Variants in WWOX observed in about 807,000 individuals in gnomAD.
WWOX encodes the protein WW domain containing oxidoreductase.
A neutral mutation model predicts 46.2 loss-of-function variants in WWOX; 69 were observed. The ratio of observed to expected loss-of-function variants is 1.49; its 90% CI spans 1.23 to 1.82. The LOEUF (loss-of-function observed/expected upper bound fraction) is 1.82. Among genes scored for constraint, WWOX ranks in the 40% most tolerant of loss-of-function variants. The probability of loss-of-function intolerance (pLI) is 0.00; values close to 1 mark genes in which losing one functional copy is unlikely to be tolerated. For missense variants in WWOX, 919 were observed against 542.6 expected (o/e 1.69, Z -6.89); for synonymous variants, 359 against 202.6 (o/e 1.77, Z -6.56).
At chr16:78,695,302 C>T (rs957053463) in intron 8 of WWOX, among the ~76,000 whole-genome samples, 1 of 151,976 alleles carries the variant, frequency 6.6e-6, no homozygotes, top group Admixed American at 6.6e-5. Context: ...AAGCAGCTTC[C>T]CCCCACTTTT....
chr16:78,671,004 AG>A (rs2047449724), intron 8 of WWOX, among the ~76,000 whole-genome samples: 1 of 152,062 alleles, frequency 6.6e-6, no homozygotes, highest in South Asian at 2.1e-4. Flanking sequence ...AGGAATGCCA[AG>A]GCTGTGGCTA....
In WWOX at chr16:78,901,153, A is replaced by G. The variant is rs1203771332; in HGVS notation, c.1057-310455A>G. Among the ~76,000 whole-genome samples, 5 of 152,324 alleles carry G rather than the reference A, an allele frequency of 3.3e-5. No individual in the cohort carries two copies. The Middle Eastern group carries it at 0.014, about 414-fold the overall frequency. Reference sequence around the variant, plus strand: ...ATTCAGAGTCCATTTTCATAGGGCAAAATGCAGAGTTCGGGTTCCTTCCTA... The same window carrying G: ...ATTCAGAGTCCATTTTCATAGGGCAGAATGCAGAGTTCGGGTTCCTTCCTA... On this transcript the variant is annotated intron_variant, in intron 8 of 8. Transcript: ENST00000566780.
At chr16:78,657,657 T>C (rs1464269693) in intron 8 of WWOX, among the ~76,000 whole-genome samples, 1 of 152,150 alleles carries the variant, frequency 6.6e-6, no homozygotes, top group Admixed American at 6.5e-5. Flanking sequence ...CTCTTGAATT[T>C]CCTTGGATGT....
At position 79,002,515 on chromosome 16, in the gene WWOX, A is replaced by C. The variant is rs181673068; in HGVS notation, c.1057-209093A>C. Among the ~76,000 whole-genome samples the C allele has an allele frequency of 2.6e-4, 40 of 151,882 alleles. No individual in the cohort carries two copies. The East Asian group carries it at 7.2e-3, about 27-fold the overall frequency. Reference sequence around the variant, plus strand: ...TGGGATTACAGGTGTGAGCCACCGCACCCGGCCCCTGCCTTTTTATTTTGC... The same window carrying C: ...TGGGATTACAGGTGTGAGCCACCGCCCCCGGCCCCTGCCTTTTTATTTTGC... On this transcript the variant is annotated intron_variant, in intron 8 of 8. Coordinates refer to ENST00000566780, the MANE Select transcript of WWOX (RefSeq NM_016373.4).
chr16:78,903,930 A>G (rs977213679), intron 8 of WWOX, among the ~76,000 whole-genome samples: 4 of 152,060 alleles, frequency 2.6e-5, no homozygotes, highest in Non-Finnish European at 5.9e-5. Flanking sequence ...TGGATAAGTC[A>G]TTTTCTCCGG....
chr16:78,506,006 C>G lies in WWOX; in HGVS notation c.1056+73254C>G, dbSNP rs148028057. 2.6e-4 allele frequency among the ~76,000 whole-genome samples: 39 copies of G among 152,332 alleles called. No homozygotes were observed. The Middle Eastern group carries it at 0.01, about 40-fold the overall frequency. ...TGATCCGGCAAGAAGACACACCATT[C>G]CCCGTCAGCCCCTTCCCGACCCTTG... On this transcript the variant is annotated intron_variant, in intron 8 of 8. Transcript: ENST00000566780.
intron 4 of WWOX, among the ~76,000 whole-genome samples, chr16:78,138,418 TAAGGATGTGAAAACCAAAAGGGAAAGGAG>T (rs1182999819): frequency 2.2e-5 from 3 of 136,990 alleles, no homozygotes; most frequent in Non-Finnish European, 3.3e-5. Flanking sequence ...TAGCTCAGAA[TAAGGATGTGAAAACCAAAAGGGAAAGGAG>T]GACAGGAGTG....
intron 8 of WWOX, among the ~76,000 whole-genome samples, chr16:78,934,274 C>G (rs1294313432): frequency 1.4e-5 from 2 of 144,236 alleles, no homozygotes; most frequent in Non-Finnish European, 3.0e-5. Flanking sequence ...GGAGGCGGAT[C>G]TTGCAGTGAG....
chr16:79,084,699 C>T (rs2048822459), intron 8 of WWOX, among the ~76,000 whole-genome samples: 1 of 152,144 alleles, frequency 6.6e-6, no homozygotes, highest in African/African-American at 2.4e-5. Flanking sequence ...AGGCATGAGC[C>T]ACCGCACCTG....
chr16:79,114,467 G>A (rs560741401), intron 8 of WWOX, among the ~76,000 whole-genome samples: 2 of 151,442 alleles, frequency 1.3e-5, no homozygotes, highest in Non-Finnish European at 2.9e-5. Context: ...CAAGCAGAAG[G>A]CCATGTGAAG....
At chr16:78,544,095 C>G (rs573677734) in intron 8 of WWOX, among the ~76,000 whole-genome samples, 202 of 152,202 alleles carry the variant, frequency 1.3e-3, no homozygotes, top group African/African-American at 4.6e-3. Flanking sequence ...TTTTGACTTT[C>G]AGGATATTTG....
In WWOX at chr16:78,603,006, C is replaced by A. The variant is rs533429351; in HGVS notation, c.1056+170254C>A. Reference sequence around the variant, plus strand: ...CTTAGATTCAACAAAATGTAATACTCCACCTTGCCAGTATCTAGCGTGTTT... The same window carrying A: ...CTTAGATTCAACAAAATGTAATACTACACCTTGCCAGTATCTAGCGTGTTT... On this transcript the variant is annotated intron_variant, in intron 8 of 8. Coordinates refer to ENST00000566780, the MANE Select transcript of WWOX (RefSeq NM_016373.4). Among the ~76,000 whole-genome samples the A allele has an allele frequency of 2.0e-5, 3 of 152,348 alleles. No individual in the cohort carries two copies. The East Asian group carries it at 5.8e-4, about 29-fold the overall frequency.
chr16:78,532,908 ACT>A (rs1264956893), intron 8 of WWOX, among the ~76,000 whole-genome samples: 1 of 152,114 alleles, frequency 6.6e-6, no homozygotes, highest in African/African-American at 2.4e-5. Context: ...CATTTATAAA[ACT>A]CTAAGCAGCC....
At chr16:78,869,499 T>G (rs1384934728) in intron 8 of WWOX, among the ~76,000 whole-genome samples, 1 of 152,156 alleles carries the variant, frequency 6.6e-6, no homozygotes, top group Non-Finnish European at 1.5e-5. Flanking sequence ...CGGTAACAAT[T>G]TAGATGAAGG....
At chr16:79,072,417 T>C (rs1023757792) in intron 8 of WWOX, among the ~76,000 whole-genome samples, 12 of 152,218 alleles carry the variant, frequency 7.9e-5, no homozygotes, top group Non-Finnish European at 1.6e-4. Flanking sequence ...CAGAATTTCA[T>C]GAGTGTTCAC....
chr16:78,585,388 G>A (rs2045171423), intron 8 of WWOX, among the ~76,000 whole-genome samples: 1 of 152,134 alleles, frequency 6.6e-6, no homozygotes, highest in South Asian at 2.1e-4. Flanking sequence ...TATCTTTGGG[G>A]ATCGGCCACT....
intron 5 of WWOX, among the ~76,000 whole-genome samples, chr16:78,359,969 A>T (rs1442135906): frequency 6.6e-6 from 1 of 152,242 alleles, no homozygotes; most frequent in African/African-American, 2.4e-5. Flanking sequence ...CTATTCAATC[A>T]TTAGAAAATA....
At chr16:78,414,829 G>C (rs1372333275) in intron 6 of WWOX, among the ~76,000 whole-genome samples, 2 of 152,084 alleles carry the variant, frequency 1.3e-5, no homozygotes, top group Non-Finnish European at 2.9e-5. Context: ...AAGTTAGCTT[G>C]GCCCATGCCC....
chr16:78,407,305 G>C (rs141183159), intron 6 of WWOX, among the ~76,000 whole-genome samples: 2 of 152,244 alleles, frequency 1.3e-5, no homozygotes, highest in East Asian at 3.9e-4. Flanking sequence ...CAGCTTAGTT[G>C]AGAAATGCCC....
Sources: allele counts gnomAD v4.1 joint callset (sites outside exome capture counted in the v4.1 genomes callset), GRCh38; gene constraint gnomAD v4.1.1; transcripts MANE v1.5; gene names NCBI Gene and HGNC (gene_info 2026-07-23, HGNC 2026-07-21).